Variants in PLXNA4 observed in about 807,000 individuals in gnomAD.
PLXNA4 encodes the protein plexin-A4.
A neutral mutation model predicts 191.8 loss-of-function variants in PLXNA4; 44 were observed. That is an observed-to-expected ratio of 0.23 (90% CI 0.18 to 0.29). The LOEUF is 0.29. PLXNA4 is among the 10% of genes least tolerant of loss of function. The pLI, the probability that PLXNA4 is intolerant of heterozygous loss-of-function variation, is 1.00. For synonymous variants in PLXNA4, 1,082 were observed against 1,009.5 expected (o/e 1.07, Z -1.36); for missense variants, 1,800 against 2,488.8 (o/e 0.72, Z 5.89).
intron 3 of PLXNA4, among the ~76,000 whole-genome samples, chr7:132,474,642 G>A (rs558693946): frequency 0.032 from 4,900 of 151,348 alleles, 140 homozygotes; most frequent in African/African-American, 0.078. Flanking sequence ...ACACACGCGC[G>A]CGCACGCACA....
At chr7:132,202,497 A>T (rs1228145875) in intron 12 of PLXNA4, 149 bp downstream of exon 12, 4 of 755,788 alleles carry the variant, frequency 5.3e-6, no homozygotes, top group Non-Finnish European at 5.6e-6. Flanking sequence ...GTGAAGAAAA[A>T]CTAGGGTGCC....
intron 1 of PLXNA4, among the ~76,000 whole-genome samples, chr7:132,564,118 CTCT>C (rs1289773708): frequency 3.1e-5 from 4 of 127,942 alleles, no homozygotes; most frequent in African/African-American, 6.2e-5. Context: ...TCTCCTCCTC[CTCT>C]TCTTTCTCCT....
intron 10 of PLXNA4, among the ~76,000 whole-genome samples, chr7:132,210,203 C>G (rs998999437): frequency 6.6e-6 from 1 of 152,062 alleles, no homozygotes; most frequent in South Asian, 2.1e-4. Context: ...AAGAAGGGAG[C>G]CCAGAAAGAA....
chr7:132,184,142 T>G (rs546603202), intron 16 of PLXNA4, among the ~76,000 whole-genome samples: 9 of 152,302 alleles, frequency 5.9e-5, no homozygotes, highest in African/African-American at 2.2e-4. Flanking sequence ...CTTCTGCATG[T>G]ACTTCCTGCT....
At chr7:132,530,154 C>T (rs1799568798) in intron 1 of PLXNA4, among the ~76,000 whole-genome samples, 1 of 152,132 alleles carries the variant, frequency 6.6e-6, no homozygotes, top group Non-Finnish European at 1.5e-5. Context: ...AGGAGGAAGA[C>T]TCACCAAGGG....
chr7:132,303,611 A>G (rs1182929643), intron 3 of PLXNA4, among the ~76,000 whole-genome samples: 1 of 152,206 alleles, frequency 6.6e-6, no homozygotes, highest in African/African-American at 2.4e-5. Context: ...TCACGAAGGT[A>G]CTTTGGTTGT....
At chr7:132,156,622 G>C (rs1344319303) in intron 25 of PLXNA4, among the ~76,000 whole-genome samples, 2 of 152,222 alleles carry the variant, frequency 1.3e-5, no homozygotes, top group Non-Finnish European at 2.9e-5. Context: ...GGGGCATGCT[G>C]TGCTGTCTTG....
chr7:132,311,244 G>A (rs564862102), intron 3 of PLXNA4, among the ~76,000 whole-genome samples: 4 of 150,510 alleles, frequency 2.7e-5, no homozygotes, highest in African/African-American at 7.3e-5. Context: ...TGCATGTGAC[G>A]TTACCCAAGA....
chr7:132,220,157 G>A (rs1337256267), intron 9 of PLXNA4, among the ~76,000 whole-genome samples: 1 of 152,236 alleles, frequency 6.6e-6, no homozygotes, highest in Admixed American at 6.5e-5. Flanking sequence ...GCCAGGAACT[G>A]TCTTTTGAGT....
At chr7:132,316,792 T>A (rs1024281299) in intron 3 of PLXNA4, among the ~76,000 whole-genome samples, 1 of 152,236 alleles carries the variant, frequency 6.6e-6, no homozygotes, top group Non-Finnish European at 1.5e-5. Context: ...AATAAGGGAC[T>A]GGGGTCTCAC....
intron 1 of PLXNA4, among the ~76,000 whole-genome samples, chr7:132,561,518 TTC>T (rs1801064755): frequency 8.7e-6 from 1 of 114,586 alleles, no homozygotes; most frequent in Admixed American, 9.0e-5. Flanking sequence ...CTCCTCCTCC[TTC>T]TCCTCCTCCT....
At chr7:132,647,625 A>G (rs1338986031) in intron 1 of PLXNA4, among the ~76,000 whole-genome samples, 1 of 152,006 alleles carries the variant, frequency 6.6e-6, no homozygotes, top group African/African-American at 2.4e-5. Context: ...AAACACCCAC[A>G]TGCTATCATA....
At chr7:132,295,910 T>A (rs1430702260) in intron 4 of PLXNA4, among the ~76,000 whole-genome samples, 1 of 152,220 alleles carries the variant, frequency 6.6e-6, no homozygotes, top group East Asian at 1.9e-4. Flanking sequence ...CTGATATTAT[T>A]GTCACCAACA....
At chr7:132,622,206 T>A (rs564619068) in intron 2 of PLXNA4, among the ~76,000 whole-genome samples, 9 of 152,310 alleles carry the variant, frequency 5.9e-5, no homozygotes, top group Non-Finnish European at 1.3e-4. Flanking sequence ...ACAAGCATGA[T>A]GAGCGTAGAA....
intron 2 of PLXNA4, among the ~76,000 whole-genome samples, chr7:132,502,037 G>A (rs974258577): frequency 6.6e-6 from 1 of 152,208 alleles, no homozygotes; most frequent in Non-Finnish European, 1.5e-5. Flanking sequence ...ACCCCATCAA[G>A]TCTGAGCCCT....
At chr7:132,263,494 T>C (rs749839648) in intron 4 of PLXNA4, among the ~76,000 whole-genome samples, 11 of 152,170 alleles carry the variant, frequency 7.2e-5, no homozygotes, top group Non-Finnish European at 1.3e-4. Context: ...AAAATAGGGG[T>C]AAGAAACCCT....
chr7:132,144,788 G>A (rs1187946539), intron 29 of PLXNA4, among the ~76,000 whole-genome samples: 5 of 152,200 alleles, frequency 3.3e-5, no homozygotes, highest in Non-Finnish European at 5.9e-5. Flanking sequence ...CACCCAGGAG[G>A]TACTTGGATG....
At chr7:132,609,562 T>C (rs1803006574) in intron 2 of PLXNA4, among the ~76,000 whole-genome samples, 1 of 152,226 alleles carries the variant, frequency 6.6e-6, no homozygotes, top group African/African-American at 2.4e-5. Flanking sequence ...CCATTACCAA[T>C]GAGCTATCAC....
At chr7:132,335,434 C>T (rs1173387647) in intron 3 of PLXNA4, among the ~76,000 whole-genome samples, 1 of 152,186 alleles carries the variant, frequency 6.6e-6, no homozygotes, top group East Asian at 1.9e-4. Context: ...ACCTCCTCTT[C>T]CCACTGCCCC....
Sources: gnomAD v4.1 joint callset for allele counts (sites outside exome capture counted in the v4.1 genomes callset) on GRCh38, gnomAD v4.1.1 for gene constraint, MANE v1.5 for transcripts, NCBI Gene and HGNC (gene_info 2026-07-23, HGNC 2026-07-21) for gene names.